The following CNTN3 variants were observed in gnomAD, a reference collection of about 807,000 sequenced individuals.
CNTN3 encodes contactin 3, also known as contactin-3.
In CNTN3, 60 loss-of-function variants were observed where a neutral mutation model predicts 119.1. That is an observed-to-expected ratio of 0.50 (90% CI 0.41 to 0.62). CNTN3 has a LOEUF of 0.62. Ranked by LOEUF, CNTN3 falls within the 20% of genes least tolerant of loss-of-function variation. CNTN3 has a pLI of 0.00. For synonymous variants in CNTN3, 450 were observed against 438.7 expected (o/e 1.03, Z -0.32); for missense variants, 1,101 against 1,242.4 (o/e 0.89, Z 1.71).
At chr3:74,267,909 A>G (rs111376489) in intron 20 of CNTN3, among the ~76,000 whole-genome samples, 232 of 152,264 alleles carry the variant, frequency 1.5e-3, no homozygotes, top group African/African-American at 4.5e-3. Context: ...AGTGTATATG[A>G]TTTTGGAGCC....
At chr3:74,268,475 C>A (rs988377658) in intron 20 of CNTN3, among the ~76,000 whole-genome samples, 2 of 152,160 alleles carry the variant, frequency 1.3e-5, no homozygotes, top group African/African-American at 2.4e-5. Context: ...GGAAATACAG[C>A]TGAACTTACA....
intron 13 of CNTN3, among the ~76,000 whole-genome samples, chr3:74,328,993 AC>A (rs2106694350): frequency 6.6e-6 from 1 of 152,192 alleles, no homozygotes; most frequent in East Asian, 1.9e-4. Flanking sequence ...AACTCAGAAT[AC>A]CCCCAGAAGT....
intron 2 of CNTN3, among the ~76,000 whole-genome samples, chr3:74,515,597 C>T (rs1309590914): frequency 6.6e-6 from 1 of 152,036 alleles, no homozygotes; most frequent in East Asian, 1.9e-4. Flanking sequence ...GAGCAGTGTA[C>T]AGTCTTCAAG....
At chr3:74,269,469 A>G (rs1701726564) in intron 20 of CNTN3, among the ~76,000 whole-genome samples, 1 of 152,134 alleles carries the variant, frequency 6.6e-6, no homozygotes, top group Non-Finnish European at 1.5e-5. Context: ...CACGTCTATA[A>G]TATGTTAGGG....
intron 1 of CNTN3, among the ~76,000 whole-genome samples, chr3:74,607,905 T>A (rs777371059): frequency 6.6e-6 from 1 of 152,144 alleles, no homozygotes; most frequent in Non-Finnish European, 1.5e-5. Context: ...CACATATTCA[T>A]GAAATCAGGT....
intron 1 of CNTN3, among the ~76,000 whole-genome samples, chr3:74,547,907 C>T (rs2107155894): frequency 6.6e-6 from 1 of 152,206 alleles, no homozygotes; most frequent in South Asian, 2.1e-4. Context: ...CCTAAACATC[C>T]TTCTAAGAGT....
intron 1 of CNTN3, among the ~76,000 whole-genome samples, chr3:74,593,871 T>C (rs1217599203): frequency 6.6e-6 from 1 of 151,880 alleles, no homozygotes; most frequent in African/African-American, 2.4e-5. Context: ...ATATATCTCT[T>C]CTCCCAATAC....
At chr3:74,516,842 C>CT (rs1703459098) in intron 2 of CNTN3, among the ~76,000 whole-genome samples, 1 of 143,798 alleles carries the variant, frequency 7.0e-6, no homozygotes, top group Admixed American at 6.8e-5. Flanking sequence ...AAGTTGGAGT[C>CT]ACAAGATGTC....
intron 5 of CNTN3, among the ~76,000 whole-genome samples, chr3:74,409,055 A>G (rs1212956316): frequency 2.0e-5 from 3 of 152,214 alleles, no homozygotes; most frequent in Non-Finnish European, 4.4e-5. Flanking sequence ...TATAAGGGCT[A>G]TATGTTATGC....
chr3:74,557,559 C>A (rs1704089375), intron 1 of CNTN3, among the ~76,000 whole-genome samples: 2 of 152,030 alleles, frequency 1.3e-5, no homozygotes, highest in Admixed American at 1.3e-4. Context: ...CCTCAGCAAT[C>A]CATATGGGAA....
intron 5 of CNTN3, among the ~76,000 whole-genome samples, chr3:74,401,332 T>C (rs1705185515): frequency 6.6e-6 from 1 of 152,076 alleles, no homozygotes; most frequent in Non-Finnish European, 1.5e-5. Context: ...ACAAAACTAG[T>C]TTTCATAAAA....
At chr3:74,522,205 A>G (rs1045540095) in intron 1 of CNTN3, among the ~76,000 whole-genome samples, 2 of 151,928 alleles carry the variant, frequency 1.3e-5, no homozygotes, top group South Asian at 4.1e-4. Context: ...TTAAAATAAT[A>G]TGTTAAGTCA....
intron 3 of CNTN3, among the ~76,000 whole-genome samples, chr3:74,494,871 C>CT (rs1703032023): frequency 6.6e-6 from 1 of 152,188 alleles, no homozygotes; most frequent in Non-Finnish European, 1.5e-5. Flanking sequence ...TTTTGATAAG[C>CT]TTTATCATAT....
chr3:74,300,681 G>T (rs546439243), intron 16 of CNTN3, among the ~76,000 whole-genome samples: 1 of 152,258 alleles, frequency 6.6e-6, no homozygotes, highest in South Asian at 2.1e-4. Flanking sequence ...AAACATATTT[G>T]ATGACTTCCA....
chr3:74,525,242 AAAGAT>A (rs1419833332), intron 1 of CNTN3, among the ~76,000 whole-genome samples: 3 of 152,052 alleles, frequency 2.0e-5, no homozygotes, highest in African/African-American at 7.2e-5. Context: ...ATTTAAAAGA[AAAGAT>A]ATGTTAATAT....
intron 11 of CNTN3, among the ~76,000 whole-genome samples, chr3:74,355,428 C>A (rs1411931540): frequency 6.6e-6 from 1 of 151,480 alleles, no homozygotes; most frequent in Non-Finnish European, 1.5e-5. Context: ...ACCACTTCAA[C>A]CCATCTGCTG....
intron 18 of CNTN3, 69 bp downstream of exon 18, chr3:74,297,885 ACTC>A (rs1195280340): frequency 8.8e-7 from 1 of 1,142,134 alleles, no homozygotes; most frequent in Non-Finnish European, 1.3e-6. Flanking sequence ...TCAAAACGAG[ACTC>A]CAAATCAGTT....
intron 4 of CNTN3, among the ~76,000 whole-genome samples, chr3:74,478,808 T>A (rs1404452290): frequency 6.6e-6 from 1 of 151,888 alleles, no homozygotes; most frequent in Non-Finnish European, 1.5e-5. Context: ...AAAACTAAAA[T>A]GAAACAACCT....
chr3:74,451,946 C>T (rs74582003), intron 4 of CNTN3, among the ~76,000 whole-genome samples: 3,749 of 98,978 alleles, frequency 0.038, 104 homozygotes, highest in East Asian at 0.14. Context: ...AGTCAGGTAG[C>T]GTGAGGCCTC....
Sources: allele counts gnomAD v4.1 joint callset (sites outside exome capture counted in the v4.1 genomes callset), GRCh38; gene constraint gnomAD v4.1.1; transcripts MANE v1.5; gene names NCBI Gene and HGNC (gene_info 2026-07-23, HGNC 2026-07-21).